CDH12: variants seen among roughly 807,000 people sequenced by gnomAD.
The protein encoded by CDH12 is cadherin 12.
A neutral mutation model predicts 74.1 loss-of-function variants in CDH12; 41 were observed. That is an observed-to-expected ratio of 0.55 (90% confidence interval 0.43 to 0.72). The LOEUF (loss-of-function observed/expected upper bound fraction) is 0.72. Among genes scored for constraint, CDH12 ranks in the 30% least tolerant of loss-of-function variants. The pLI is 0.00. For missense variants in CDH12, 945 were observed against 977.2 expected, an observed-to-expected ratio of 0.97 and a Z score of 0.44; for synonymous variants, 399 against 355.0, an observed-to-expected ratio of 1.12 and a Z score of -1.39.
At chr5:22,007,249 C>A (rs1462817552) in intron 5 of CDH12, among the ~76,000 whole-genome samples, 1 of 152,118 alleles carries the variant, frequency 6.6e-6, no homozygotes, top group Non-Finnish European at 1.5e-5. Context: ...CTCAAGAGAT[C>A]TGTTATACAA....
At chr5:22,812,930 A>T (rs553147540) in intron 1 of CDH12, among the ~76,000 whole-genome samples, 12 of 152,182 alleles carry the variant, frequency 7.9e-5, no homozygotes, top group Admixed American at 1.3e-4. Context: ...ACTGAGGAGG[A>T]GGTGAAGAAA....
intron 3 of CDH12, among the ~76,000 whole-genome samples, chr5:22,370,954 A>G (rs1312756431): frequency 6.6e-6 from 1 of 152,170 alleles, no homozygotes; most frequent in Non-Finnish European, 1.5e-5. Context: ...AGTAGGAGCA[A>G]AAAACAAACA....
Position 21,832,675 on chromosome 5 carries a change from C to T in CDH12, c.814+9486G>A, listed in dbSNP as rs573139756. On this transcript the variant is annotated intron_variant, in intron 8 of 14. Coordinates refer to ENST00000382254, the MANE Select transcript of CDH12 (RefSeq NM_004061.5). The stretch of plus-strand genomic sequence containing the variant: ...GAATACAAAATATTCTCATGAGATA[C>T]ACAATTAACTTATTAACTTATTCAT... 4.1e-5 allele frequency among the ~76,000 whole-genome samples: 6 copies of T among 147,872 alleles called. No homozygotes were observed. The South Asian group carries it at 8.4e-4, about 21-fold the overall frequency.
At chr5:22,177,483 A>C (rs1490016151) in intron 4 of CDH12, among the ~76,000 whole-genome samples, 1 of 152,178 alleles carries the variant, frequency 6.6e-6, no homozygotes, top group Admixed American at 6.5e-5. Context: ...CAACTTAAAA[A>C]ATTTCACAAA....
At chr5:22,318,944 CA>C (rs965625167) in intron 3 of CDH12, among the ~76,000 whole-genome samples, 4 of 151,438 alleles carry the variant, frequency 2.6e-5, no homozygotes, top group African/African-American at 9.7e-5. Flanking sequence ...TGTTTTGGGA[CA>C]AAAAAATGAT....
chr5:22,333,607 G>A (rs982503019), intron 3 of CDH12, among the ~76,000 whole-genome samples: 2 of 152,144 alleles, frequency 1.3e-5, no homozygotes, highest in Non-Finnish European at 2.9e-5. Context: ...AATAGAGGAG[G>A]AGGGGACACT....
chr5:22,459,421 A>G (rs969538659), intron 2 of CDH12, among the ~76,000 whole-genome samples: 6 of 152,210 alleles, frequency 3.9e-5, no homozygotes, highest in Non-Finnish European at 8.8e-5. Flanking sequence ...TTAATCAAAT[A>G]ATAAACAAAA....
At chr5:22,364,870 G>C (rs1740964624) in intron 3 of CDH12, among the ~76,000 whole-genome samples, 1 of 152,046 alleles carries the variant, frequency 6.6e-6, no homozygotes, top group South Asian at 2.1e-4. Flanking sequence ...GAAGAAATCA[G>C]GCCAATAACA....
chr5:22,537,608 C>T (rs1737910393), intron 1 of CDH12, among the ~76,000 whole-genome samples: 2 of 152,122 alleles, frequency 1.3e-5, no homozygotes, highest in Non-Finnish European at 2.9e-5. Flanking sequence ...GAGATGTCAG[C>T]CCCAAAATAA....
chr5:22,651,189 T>C (rs886809600), intron 1 of CDH12, among the ~76,000 whole-genome samples: 1 of 152,082 alleles, frequency 6.6e-6, no homozygotes, highest in Non-Finnish European at 1.5e-5. Context: ...CAGACTTCTC[T>C]AGCTACTTTA....
intron 1 of CDH12, among the ~76,000 whole-genome samples, chr5:22,643,696 A>G (rs1178643985): frequency 6.8e-6 from 1 of 146,904 alleles, no homozygotes; most frequent in Admixed American, 6.8e-5. Context: ...AAACACAGGC[A>G]CAGCTCATTT....
At chr5:21,795,912 C>G (rs576970001) in intron 10 of CDH12, among the ~76,000 whole-genome samples, 1 of 151,904 alleles carries the variant, frequency 6.6e-6, no homozygotes, top group Non-Finnish European at 1.5e-5. Context: ...TTGATTACAG[C>G]AATTTTTACA....
intron 5 of CDH12, among the ~76,000 whole-genome samples, chr5:21,979,464 A>G (rs990798670): frequency 2.6e-5 from 4 of 152,200 alleles, no homozygotes; most frequent in African/African-American, 7.2e-5. Context: ...CTCCAGCTTC[A>G]GAATGTAAGC....
At chr5:22,677,569 T>C (rs1741264093) in intron 1 of CDH12, among the ~76,000 whole-genome samples, 1 of 151,918 alleles carries the variant, frequency 6.6e-6, no homozygotes, top group Admixed American at 6.6e-5. Flanking sequence ...ACAATGGGGA[T>C]TGAATGTCAA....
chr5:22,460,462 G>A (rs1196777546), intron 2 of CDH12, among the ~76,000 whole-genome samples: 1 of 152,062 alleles, frequency 6.6e-6, no homozygotes, highest in Non-Finnish European at 1.5e-5. Context: ...GACAAAAATT[G>A]TGGTGTAATA....
chr5:22,805,794 G>A (rs1304690792), intron 1 of CDH12, among the ~76,000 whole-genome samples: 1 of 152,058 alleles, frequency 6.6e-6, no homozygotes, highest in Non-Finnish European at 1.5e-5. Flanking sequence ...TTCTCCTAAT[G>A]CTATCCCTCC....
chr5:21,923,526 T>A (rs1754453626), intron 6 of CDH12, among the ~76,000 whole-genome samples: 1 of 152,148 alleles, frequency 6.6e-6, no homozygotes, highest in East Asian at 1.9e-4. Flanking sequence ...CTAAATAGTA[T>A]AATGTTCCTT....
intron 8 of CDH12, among the ~76,000 whole-genome samples, chr5:21,824,283 G>A (rs1381632001): frequency 6.6e-6 from 1 of 152,050 alleles, no homozygotes; most frequent in Admixed American, 6.6e-5. Context: ...AGGCTGGACT[G>A]TTCTTACTTG....
intron 2 of CDH12, among the ~76,000 whole-genome samples, chr5:22,464,995 T>C (rs1220688872): frequency 1.7e-5 from 2 of 117,512 alleles, no homozygotes; most frequent in Non-Finnish European, 3.2e-5. Context: ...AGTGAGACTG[T>C]GTTAAAAAGA....
Sources: allele counts gnomAD v4.1 joint callset (sites outside exome capture counted in the v4.1 genomes callset), GRCh38; gene constraint gnomAD v4.1.1; transcripts MANE v1.5; gene names NCBI Gene and HGNC (gene_info 2026-07-23, HGNC 2026-07-21).